Variants in CADPS observed in about 807,000 individuals in gnomAD.
CADPS encodes calcium-dependent secretion activator 1.
In CADPS, 57 loss-of-function variants were observed where a neutral mutation model predicts 167.3. The observed-to-expected ratio is 0.34, with a 90% CI of 0.28 to 0.42. CADPS has a LOEUF of 0.42. Among genes scored for constraint, CADPS ranks in the 20% least tolerant of loss-of-function variants. The pLI, the probability that CADPS is intolerant of heterozygous loss-of-function variation, is 1.00. For synonymous variants in CADPS, 676 were observed against 635.3 expected (o/e 1.06, Z -0.96); for missense variants, 1,414 against 1,738.1 (o/e 0.81, Z 3.32).
intron 3 of CADPS, among the ~76,000 whole-genome samples, chr3:62,672,236 C>G (rs116419160): frequency 0.017 from 2,578 of 152,196 alleles, 68 homozygotes; most frequent in African/African-American, 0.057. Context: ...AGTTTTGATT[C>G]AGCAGGCTTG....
chr3:62,466,485 A>G, intron 24 of CADPS, 72 bp from the exon 25 acceptor site: 1 of 952,970 alleles, frequency 1.0e-6, no homozygotes, highest in Non-Finnish European at 1.7e-6. Context: ...TAATTTTTAG[A>G]CAACTTAATT....
At chr3:62,687,179 C>T (rs955187850) in intron 3 of CADPS, among the ~76,000 whole-genome samples, 5 of 152,100 alleles carry the variant, frequency 3.3e-5, no homozygotes, top group Admixed American at 6.5e-5. Context: ...GGGGGCCCAA[C>T]ACGGGGGTGG....
At chr3:62,499,886 GCTA>G (rs1313656254) in intron 17 of CADPS, 1 of 152,154 alleles carries the variant, frequency 6.6e-6, no homozygotes, top group Non-Finnish European at 1.5e-5. Flanking sequence ...GATAGTTTGT[GCTA>G]CTGGTTGTTA....
chr3:62,823,927 T>A (rs983778345), intron 1 of CADPS, among the ~76,000 whole-genome samples: 1 of 152,138 alleles, frequency 6.6e-6, no homozygotes, highest in Non-Finnish European at 1.5e-5. Context: ...CAGCCTAAGT[T>A]AACACGGCCC....
intron 3 of CADPS, among the ~76,000 whole-genome samples, chr3:62,677,843 T>C (rs1399518191): frequency 6.6e-6 from 1 of 152,062 alleles, no homozygotes; most frequent in African/African-American, 2.4e-5. Flanking sequence ...ATTTTGACAG[T>C]TCATATGTGG....
chr3:62,592,807 T>C (rs1220054238), intron 6 of CADPS, 59 bp from the exon 7 acceptor site: 4 of 1,258,224 alleles, frequency 3.2e-6, no homozygotes, highest in African/African-American at 2.9e-5. Context: ...GTCTAAACTA[T>C]TCCATTGTTC....
At chr3:62,820,327 C>T (rs1014335729) in intron 1 of CADPS, among the ~76,000 whole-genome samples, 1 of 152,086 alleles carries the variant, frequency 6.6e-6, no homozygotes, top group Admixed American at 6.6e-5. Context: ...CTGAAATATT[C>T]CACAAATAGA....
intron 22 of CADPS, among the ~76,000 whole-genome samples, chr3:62,479,359 T>A (rs2061685950): frequency 6.6e-6 from 1 of 152,082 alleles, no homozygotes; most frequent in African/African-American, 2.4e-5. Context: ...AGGGGTGTCC[T>A]CCCCCCCACC....
At chr3:62,771,412 T>G (rs2152542440) in intron 1 of CADPS, among the ~76,000 whole-genome samples, 1 of 152,314 alleles carries the variant, frequency 6.6e-6, no homozygotes, top group African/African-American at 2.4e-5. Context: ...CTTAGAAGCT[T>G]GCAAAAGCCA....
At chr3:62,849,602 C>T (rs1051272267) in intron 1 of CADPS, among the ~76,000 whole-genome samples, 8 of 129,258 alleles carry the variant, frequency 6.2e-5, no homozygotes, top group Non-Finnish European at 1.2e-4. Flanking sequence ...TATATTGAAC[C>T]AGCCTTGCAT....
chr3:62,631,311 T>C (rs992913278), intron 6 of CADPS, among the ~76,000 whole-genome samples: 5 of 152,210 alleles, frequency 3.3e-5, no homozygotes, highest in Non-Finnish European at 7.3e-5. Context: ...AAACTTAACA[T>C]GTACAATATG....
chr3:62,543,808 A>C (rs1234014212), intron 11 of CADPS, among the ~76,000 whole-genome samples: 2 of 152,136 alleles, frequency 1.3e-5, no homozygotes, highest in Admixed American at 6.6e-5. Flanking sequence ...TCTAACGTCA[A>C]GTCTTTCCTC....
intron 6 of CADPS, among the ~76,000 whole-genome samples, chr3:62,613,694 C>A (rs2061827439): frequency 1.3e-5 from 2 of 152,106 alleles, no homozygotes; most frequent in Admixed American, 1.3e-4. Context: ...TTTAGATAAC[C>A]AAGATAATCT....
chr3:62,713,329 G>A (rs1452706746), intron 3 of CADPS, among the ~76,000 whole-genome samples: 1 of 152,018 alleles, frequency 6.6e-6, no homozygotes, highest in Admixed American at 6.6e-5. Context: ...TGGGGCTCAG[G>A]GTCCAGACCA....
At chr3:62,861,833 T>C (rs2080857296) in intron 1 of CADPS, among the ~76,000 whole-genome samples, 1 of 152,216 alleles carries the variant, frequency 6.6e-6, no homozygotes, top group Non-Finnish European at 1.5e-5. Context: ...TACAATTATA[T>C]TTGTCTGTTC....
At chr3:62,669,513 A>G (rs930917675) in intron 3 of CADPS, among the ~76,000 whole-genome samples, 5 of 152,082 alleles carry the variant, frequency 3.3e-5, no homozygotes, top group African/African-American at 1.2e-4. Flanking sequence ...ACTGCCTCCA[A>G]ATTCCTTCCT....
rs2065069684 is a variant in CADPS, at chr3:62,630,470, T to C, written c.1325+15252A>G. The stretch of plus-strand genomic sequence containing the variant: ...ATTCTTGCATTCTTGTGCCTTAGCC[T>C]CCTGAGTAGCTGGGATTGCAGGCAT... On this transcript the variant is annotated intron_variant, in intron 6 of 29. Transcript: ENST00000383710. 2.6e-5 allele frequency among the ~76,000 whole-genome samples: 4 copies of C among 152,086 alleles called. No individual in the cohort carries two copies. In the South Asian group the frequency reaches 8.3e-4, roughly 32 times the overall value.
chr3:62,527,096 A>G (rs2072459145), intron 13 of CADPS, among the ~76,000 whole-genome samples: 1 of 152,220 alleles, frequency 6.6e-6, no homozygotes, highest in Non-Finnish European at 1.5e-5. Flanking sequence ...GCATTTTATA[A>G]AATCCCCACA....
chr3:62,616,810 C>T (rs7653390), intron 6 of CADPS, among the ~76,000 whole-genome samples: 8,304 of 152,166 alleles, frequency 0.055, 727 homozygotes, highest in African/African-American at 0.19. Context: ...TCGTCTAATG[C>T]TACAGATACT....
Sources: allele counts gnomAD v4.1 joint callset (sites outside exome capture counted in the v4.1 genomes callset), GRCh38; gene constraint gnomAD v4.1.1; transcripts MANE v1.5; gene names NCBI Gene and HGNC (gene_info 2026-07-23, HGNC 2026-07-21).